MYCT1: variants seen among roughly 807,000 people sequenced by gnomAD.
The protein encoded by MYCT1 is myc target protein 1.
Under a neutral mutation model 15.0 loss-of-function variants are expected in MYCT1, and 12 were observed. That is an observed-to-expected ratio of 0.80 (90% CI 0.51 to 1.29). The LOEUF is 1.29. Among genes scored for constraint, MYCT1 ranks in the 50% most tolerant of loss-of-function variants. The probability of loss-of-function intolerance (pLI) is 0.00; values close to 1 mark genes in which losing one functional copy is unlikely to be tolerated. For synonymous variants in MYCT1, 104 were observed against 102.7 expected (o/e 1.01, Z -0.07); for missense variants, 287 against 279.1 (o/e 1.03, Z -0.20).
At position 152,721,828 on chromosome 6, in the gene MYCT1, CGAA is replaced by C. The variant is rs757578484; in HGVS notation, c.292_294del (p.Arg98del). ...TTGGGCTGTGTTCATTTGTCTGTCTCGAAGAAGAAGAGCCAGTGCTCCCATCTC... is the reference window on the plus strand; with the variant it reads ...TTGGGCTGTGTTCATTTGTCTGTCTCGAAGAAGAGCCAGTGCTCCCATCTC... On this transcript the variant is annotated inframe_deletion, in exon 2 of 2. Coordinates refer to ENST00000367245, the MANE Select transcript of MYCT1 (RefSeq NM_025107.3). 1.7e-5 allele frequency: 27 copies of C among 1,613,842 alleles called. No individual in the cohort carries two copies. The highest frequency in any genetic ancestry group is 1.1e-4 in the African/African-American group (8 of 74,816).
Position 152,705,485 on chromosome 6 carries a change from T to C in MYCT1, c.196+7387T>C, listed in dbSNP as rs7742405. Reference sequence around the variant, plus strand: ...TGTATTTGTCCTTCTGTGCCTGGTTTATTTCACTTAGCATAATGTCCTCCA... The same window carrying C: ...TGTATTTGTCCTTCTGTGCCTGGTTCATTTCACTTAGCATAATGTCCTCCA... On this transcript the variant is annotated intron_variant, in intron 1 of 1. Coordinates refer to ENST00000367245, the MANE Select transcript of MYCT1 (RefSeq NM_025107.3). Among the ~76,000 whole-genome samples the C allele has an allele frequency of 6.2e-3, 942 of 152,170 alleles. 13 individuals are homozygous for C. The highest frequency in any genetic ancestry group is 0.022 in the African/African-American group (906 of 41,514).
chr6:152,740,684 C>T, the MYCT1 span, among the ~76,000 whole-genome samples: 1 of 152,058 alleles, frequency 6.6e-6, no homozygotes, highest in East Asian at 1.9e-4. Context: ...GTACACATCT[C>T]CCAGATGAAA....
At chr6:152,727,961 C>T (rs941014953), downstream of MYCT1, among the ~76,000 whole-genome samples, 12 of 152,052 alleles carry the variant, frequency 7.9e-5, 1 homozygote, top group East Asian at 7.7e-4. Flanking sequence ...GTCAGGAATT[C>T]GAGACCCGCC....
the MYCT1 span, among the ~76,000 whole-genome samples, chr6:152,734,201 GA>G: frequency 2.0e-5 from 3 of 152,064 alleles, no homozygotes; most frequent in Admixed American, 2.0e-4. Context: ...TATCTTGTGA[GA>G]CCAGATTGTG....
At chr6:152,744,260 C>T in the MYCT1 span, among the ~76,000 whole-genome samples, 1 of 152,202 alleles carries the variant, frequency 6.6e-6, no homozygotes, top group Admixed American at 6.5e-5. Context: ...GACAGACCGG[C>T]TCGGGGCTAG....
intron 1 of MYCT1, among the ~76,000 whole-genome samples, chr6:152,698,352 T>G (rs2099720766): frequency 6.6e-6 from 1 of 151,698 alleles, no homozygotes; most frequent in Non-Finnish European, 1.5e-5. Context: ...AATCTGGGTA[T>G]TAAGTACAGA....
In MYCT1 at chr6:152,719,179, C is replaced by T. The variant is rs936055388; in HGVS notation, c.197-2563C>T. Among the ~76,000 whole-genome samples the T allele has an allele frequency of 2.0e-5, 3 of 152,148 alleles. No homozygotes were observed. In the East Asian group the frequency reaches 5.8e-4, roughly 29 times the overall value. On this transcript the variant is annotated intron_variant, in intron 1 of 1. Coordinates refer to ENST00000367245, the MANE Select transcript of MYCT1 (RefSeq NM_025107.3). ...GCTGAGCTTGTTGATATTTAAAAGTCTCCACTAAAGGCTATTGATTCATGG... is the reference window on the plus strand; with the variant it reads ...GCTGAGCTTGTTGATATTTAAAAGTTTCCACTAAAGGCTATTGATTCATGG...
chr6:152,704,995 C>G (rs1325556124), intron 1 of MYCT1, among the ~76,000 whole-genome samples: 2 of 152,136 alleles, frequency 1.3e-5, no homozygotes, highest in African/African-American at 4.8e-5. Flanking sequence ...CTCTCAGCAT[C>G]TCCCTTTTTC....
At chr6:152,733,531 G>A in the MYCT1 span, among the ~76,000 whole-genome samples, 18 of 152,298 alleles carry the variant, frequency 1.2e-4, no homozygotes, top group Middle Eastern at 3.4e-3. Context: ...AGGAAAAAGG[G>A]AGCTTTCCAC....
At chr6:152,745,210 T>A in the MYCT1 span, among the ~76,000 whole-genome samples, 1 of 152,190 alleles carries the variant, frequency 6.6e-6, no homozygotes, top group South Asian at 2.1e-4. Flanking sequence ...AGGCAAACCA[T>A]GACTATACAC....
intron 1 of MYCT1, among the ~76,000 whole-genome samples, chr6:152,707,955 T>C (rs982017120): frequency 3.3e-5 from 5 of 152,078 alleles, no homozygotes; most frequent in Non-Finnish European, 7.4e-5. Context: ...TTTGCTTTTA[T>C]TGTTCCTTTG....
At position 152,701,204 on chromosome 6, in the gene MYCT1, T is replaced by C. The variant is rs547607398; in HGVS notation, c.196+3106T>C. Among the ~76,000 whole-genome samples, 334 of 152,258 alleles carry C rather than the reference T, an allele frequency of 2.2e-3. 1 individual carries two copies. Among genetic ancestry groups the C allele is most frequent in the Non-Finnish European group, 3.6e-3 (244 of 68,020 alleles). On this transcript the variant is annotated intron_variant, in intron 1 of 1. Coordinates refer to ENST00000367245, the MANE Select transcript of MYCT1 (RefSeq NM_025107.3). ...TCATTTTTTTCCCTCACCAACTCAT[T>C]CTCATCCAGTTCATTAGTTCACTCA...
In MYCT1 at chr6:152,722,457, T is replaced by G. The variant is rs1034212346; in HGVS notation, c.*204T>G. On this transcript the variant is annotated 3_prime_UTR_variant, in exon 2 of 2. Coordinates refer to ENST00000367245, the MANE Select transcript of MYCT1 (RefSeq NM_025107.3). ...CCCTTTTGTTTCAAAAAATGTAATA[T>G]TTTCCCCCAAGCGTTTTATATTTAT... The G allele has an allele frequency of 3.7e-6, 2 of 541,378 alleles. No homozygotes were observed. Among genetic ancestry groups the G allele is most frequent in the East Asian group, 6.2e-5 (2 of 32,334 alleles). 33.5% of individuals were successfully genotyped at this position (541,378 alleles called of 1,614,324 possible).
the MYCT1 span, among the ~76,000 whole-genome samples, chr6:152,731,307 A>T: frequency 2.6e-5 from 4 of 152,162 alleles, no homozygotes; most frequent in Non-Finnish European, 5.9e-5. Context: ...TTAAATTTTT[A>T]TTTATTATAT....
intron 1 of MYCT1, among the ~76,000 whole-genome samples, chr6:152,703,555 T>A (rs1217366293): frequency 6.6e-6 from 1 of 152,054 alleles, no homozygotes. Flanking sequence ...CAGTTCCCCC[T>A]AATTACTTTA....
At chr6:152,700,851 G>A (rs773811938) in intron 1 of MYCT1, among the ~76,000 whole-genome samples, 8 of 152,130 alleles carry the variant, frequency 5.3e-5, no homozygotes, top group Non-Finnish European at 8.8e-5. Flanking sequence ...TTTGTGAAAA[G>A]TTGGGGGAAG....
At chr6:152,706,845 A>ATGTGTGTG (rs1019981760) in intron 1 of MYCT1, among the ~76,000 whole-genome samples, 1 of 119,964 alleles carries the variant, frequency 8.3e-6, no homozygotes, top group African/African-American at 3.8e-5. Flanking sequence ...TAGAAACCAT[A>ATGTGTGTG]TATGTGTGTG....
chr6:152,713,140 C>A (rs1402167469), intron 1 of MYCT1, among the ~76,000 whole-genome samples: 3 of 151,944 alleles, frequency 2.0e-5, no homozygotes, highest in Non-Finnish European at 4.4e-5. Context: ...TATTAATACA[C>A]CTTTAAGTTG....
the MYCT1 span, among the ~76,000 whole-genome samples, chr6:152,736,217 G>A: frequency 6.6e-6 from 1 of 152,166 alleles, no homozygotes; most frequent in Non-Finnish European, 1.5e-5. Context: ...CCAGAGCACA[G>A]TGAGTTCTGA....
Sources: gnomAD v4.1 joint callset for allele counts (sites outside exome capture counted in the v4.1 genomes callset) on GRCh38, gnomAD v4.1.1 for gene constraint, MANE v1.5 for transcripts, NCBI Gene and HGNC (gene_info 2026-07-23, HGNC 2026-07-21) for gene names.